Variants in KCNIP4 observed in about 807,000 individuals in gnomAD.
KCNIP4 encodes potassium voltage-gated channel interacting protein 4.
A neutral mutation model predicts 34.0 loss-of-function variants in KCNIP4; 12 were observed. The observed-to-expected ratio is 0.35, with a 90% CI of 0.23 to 0.57. The LOEUF is 0.57. Among genes scored for constraint, KCNIP4 ranks in the 20% least tolerant of loss-of-function variants. KCNIP4 has a pLI of 0.83. For missense variants in KCNIP4, 238 were observed against 311.7 expected (o/e 0.76, Z 1.78); for synonymous variants, 124 against 102.2 (o/e 1.21, Z -1.29).
At chr4:21,290,328 A>G (rs2109201367) in intron 1 of KCNIP4, among the ~76,000 whole-genome samples, 1 of 152,232 alleles carries the variant, frequency 6.6e-6, no homozygotes, top group Non-Finnish European at 1.5e-5. Context: ...TCCAAAGCGG[A>G]CTGCTTTTCT....
intron 3 of KCNIP4, among the ~76,000 whole-genome samples, chr4:20,772,358 C>T (rs534876283): frequency 6.6e-6 from 1 of 152,306 alleles, no homozygotes; most frequent in South Asian, 2.1e-4. Context: ...AACGGTTAAT[C>T]AACAAGCATG....
chr4:21,556,920 C>CAA (rs1281543089), intron 1 of KCNIP4, among the ~76,000 whole-genome samples: 1,272 of 35,302 alleles, frequency 0.036, 91 homozygotes, highest in African/African-American at 0.12. Flanking sequence ...GACTCCATCT[C>CAA]AGAAAAAAAA....
intron 1 of KCNIP4, among the ~76,000 whole-genome samples, chr4:20,932,726 A>G (rs1463427805): frequency 1.3e-5 from 2 of 152,198 alleles, no homozygotes; most frequent in Non-Finnish European, 2.9e-5. Context: ...ATGCTTAAAT[A>G]CAGATTCAAC....
chr4:21,869,801 G>A (rs572341609), intron 1 of KCNIP4, among the ~76,000 whole-genome samples: 1 of 152,066 alleles, frequency 6.6e-6, no homozygotes, highest in East Asian at 1.9e-4. Context: ...CAGACAGATA[G>A]ATAGATATAG....
intron 1 of KCNIP4, among the ~76,000 whole-genome samples, chr4:21,689,326 T>C (rs1199563557): frequency 3.3e-5 from 5 of 152,180 alleles, no homozygotes; most frequent in African/African-American, 9.7e-5. Flanking sequence ...TAATAGAACA[T>C]CCTATAGATA....
intron 1 of KCNIP4, among the ~76,000 whole-genome samples, chr4:21,773,003 G>T (rs59388227): frequency 0.15 from 22,583 of 151,810 alleles, 5,642 homozygotes; most frequent in African/African-American, 0.51. Context: ...CTTTTAATTG[G>T]GATGTTAGCG....
chr4:21,506,907 T>C (rs1031129221), intron 1 of KCNIP4, among the ~76,000 whole-genome samples: 4 of 151,884 alleles, frequency 2.6e-5, no homozygotes, highest in Non-Finnish European at 5.9e-5. Context: ...TCCTTCTGTC[T>C]CAGCCTCCCA....
At chr4:21,498,588 C>T (rs1560462387) in intron 1 of KCNIP4, among the ~76,000 whole-genome samples, 1 of 152,142 alleles carries the variant, frequency 6.6e-6, no homozygotes, top group Non-Finnish European at 1.5e-5. Context: ...TATGCTAATG[C>T]AATTGACCAG....
chr4:21,266,952 TG>T (rs1345560542), intron 1 of KCNIP4, among the ~76,000 whole-genome samples: 4 of 152,194 alleles, frequency 2.6e-5, no homozygotes, highest in Non-Finnish European at 4.4e-5. Context: ...GCTAAGGTCT[TG>T]GGCTAGTCAC....
intron 1 of KCNIP4, among the ~76,000 whole-genome samples, chr4:21,595,027 G>GT (rs1448585214): frequency 6.6e-6 from 1 of 152,016 alleles, no homozygotes; most frequent in Non-Finnish European, 1.5e-5. Flanking sequence ...GAATGTGCAG[G>GT]TTTGTTACAT....
At chr4:20,775,027 G>A (rs904678363) in intron 3 of KCNIP4, among the ~76,000 whole-genome samples, 3 of 152,176 alleles carry the variant, frequency 2.0e-5, no homozygotes, top group Non-Finnish European at 2.9e-5. Context: ...CTCTACCAGA[G>A]TTGAATTTTT....
chr4:20,992,483 C>A (rs976076429), intron 1 of KCNIP4, among the ~76,000 whole-genome samples: 1 of 152,076 alleles, frequency 6.6e-6, no homozygotes, highest in Non-Finnish European at 1.5e-5. Flanking sequence ...GGAACACAGC[C>A]AAACCATATC....
intron 1 of KCNIP4, among the ~76,000 whole-genome samples, chr4:21,389,299 T>C (rs1722319215): frequency 6.6e-6 from 1 of 151,914 alleles, no homozygotes; most frequent in Admixed American, 6.6e-5. Flanking sequence ...TATATTCTCA[T>C]CTCTATTTTT....
chr4:21,274,879 T>C (rs1762349944), intron 1 of KCNIP4, among the ~76,000 whole-genome samples: 1 of 82,964 alleles, frequency 1.2e-5, no homozygotes, highest in Non-Finnish European at 2.8e-5. Context: ...ATTGTTAATT[T>C]GATTTTTTTT....
chr4:21,877,673 A>C (rs923967945), intron 1 of KCNIP4, among the ~76,000 whole-genome samples: 2 of 152,136 alleles, frequency 1.3e-5, no homozygotes, highest in African/African-American at 4.8e-5. Flanking sequence ...TCACCACTGC[A>C]TATTCTGACC....
At chr4:20,971,177 A>T (rs1023604583) in intron 1 of KCNIP4, among the ~76,000 whole-genome samples, 20 of 152,218 alleles carry the variant, frequency 1.3e-4, no homozygotes, top group African/African-American at 4.6e-4. Flanking sequence ...TGCCAGCACT[A>T]GAGCATAAGA....
At position 21,446,256 on chromosome 4, in the gene KCNIP4, C is replaced by T. The variant is rs911058057; in HGVS notation, c.61+502315G>A. On this transcript the variant is annotated intron_variant, in intron 1 of 8. Coordinates refer to ENST00000382152, the MANE Select transcript of KCNIP4 (RefSeq NM_025221.6). ...CTAGAACTAGAAATACCATTTGACC[C>T]AGCCATCCCATTACTGGGTATATAC... Among the ~76,000 whole-genome samples, 25 of 152,072 alleles carry T rather than the reference C, an allele frequency of 1.6e-4. 1 individual carries two copies. Among genetic ancestry groups the T allele is most frequent in the Admixed American group, 1.3e-3 (20 of 15,288 alleles).
At chr4:21,533,214 A>G (rs1186498213) in intron 1 of KCNIP4, among the ~76,000 whole-genome samples, 2 of 152,064 alleles carry the variant, frequency 1.3e-5, no homozygotes, top group African/African-American at 4.8e-5. Flanking sequence ...TATCATGAAT[A>G]TATGCTCTCT....
At chr4:21,482,581 G>C (rs1394729488) in intron 1 of KCNIP4, among the ~76,000 whole-genome samples, 1 of 152,066 alleles carries the variant, frequency 6.6e-6, no homozygotes, top group South Asian at 2.1e-4. Flanking sequence ...AGTTTAGTTT[G>C]GCTGCATATG....
Sources: gnomAD v4.1 joint callset for allele counts (sites outside exome capture counted in the v4.1 genomes callset) on GRCh38, gnomAD v4.1.1 for gene constraint, MANE v1.5 for transcripts, NCBI Gene and HGNC (gene_info 2026-07-23, HGNC 2026-07-21) for gene names.